Variants in KDM4B observed in about 807,000 individuals in gnomAD.
KDM4B encodes lysine demethylase 4B, also known as lysine-specific demethylase 4B.
KDM4B carries 32 observed loss-of-function variants against 125.2 expected under a neutral mutation model. The ratio of observed to expected loss-of-function variants is 0.26; its 90% CI spans 0.19 to 0.34. KDM4B has a LOEUF of 0.34. KDM4B is among the 10% of genes least tolerant of loss of function. The pLI is 1.00. For missense variants in KDM4B, 1,190 were observed against 1,577.7 expected (o/e 0.75, Z 4.16); for synonymous variants, 721 against 677.9 (o/e 1.06, Z -0.99).
chr19:5,124,170 G>C (rs908699536), intron 11 of KDM4B, among the ~76,000 whole-genome samples: 1 of 152,156 alleles, frequency 6.6e-6, no homozygotes, highest in Non-Finnish European at 1.5e-5. Context: ...TCCAGGCTTG[G>C]GTCTGGGGAC....
chr19:4,990,414 A>G (rs113313430), intron 1 of KDM4B, among the ~76,000 whole-genome samples: 2,156 of 152,330 alleles, frequency 0.014, 57 homozygotes, highest in African/African-American at 0.049. Context: ...TTAGCAGTGC[A>G]GGTTTCTGTA....
chr19:5,031,360 C>T (rs956328979), intron 2 of KDM4B, among the ~76,000 whole-genome samples: 5 of 152,362 alleles, frequency 3.3e-5, no homozygotes, highest in Admixed American at 2.0e-4. Context: ...ACACTGTGAC[C>T]GTCTAGTCTA....
intron 2 of KDM4B, among the ~76,000 whole-genome samples, chr19:5,025,373 C>A (rs1262375151): frequency 6.6e-6 from 1 of 152,234 alleles, no homozygotes; most frequent in Non-Finnish European, 1.5e-5. Flanking sequence ...GGTTCCCGTG[C>A]TAAAACCATG....
At chr19:4,988,152 G>A (rs2034904652) in intron 1 of KDM4B, among the ~76,000 whole-genome samples, 2 of 152,232 alleles carry the variant, frequency 1.3e-5, no homozygotes, top group African/African-American at 2.4e-5. Context: ...GGGCTGCATC[G>A]GGCAGGACAG....
Position 4,972,113 on chromosome 19 carries a change from G to GTCTC in KDM4B, c.-109+2885_-109+2888dup, listed in dbSNP as rs1011371122. On this transcript the variant is annotated intron_variant, in intron 1 of 22. Transcript: ENST00000159111. ...AGCCCTCCCCCTTCCTGCCCCAGGG[G>GTCTC]TCTCTGTTCCTGGCTTAGGATGCCG... Among the ~76,000 whole-genome samples, 15 of 152,206 alleles carry GTCTC rather than the reference G, an allele frequency of 9.9e-5. 1 individual carries two copies. Among genetic ancestry groups the GTCTC allele is most frequent in the African/African-American group, 3.6e-4 (15 of 41,450 alleles).
chr19:5,053,267 G>A (rs768096459), intron 6 of KDM4B, among the ~76,000 whole-genome samples: 12 of 152,232 alleles, frequency 7.9e-5, no homozygotes, highest in Admixed American at 3.3e-4. Context: ...GCTCAGAGCC[G>A]CTGCGGTGCC....
chr19:5,058,191 G>C (rs780446836), intron 6 of KDM4B, among the ~76,000 whole-genome samples: 2 of 151,946 alleles, frequency 1.3e-5, no homozygotes, highest in African/African-American at 4.8e-5. Context: ...CAGGGGCTCA[G>C]CCAACAGGGT....
Position 4,971,807 on chromosome 19 carries a change from C to T in KDM4B, c.-109+2577C>T, listed in dbSNP as rs748446180. On this transcript the variant is annotated intron_variant, in intron 1 of 22. Transcript: ENST00000159111. This position sits in a 1 kb window ranked among gnomAD's most constrained non-coding sequence, Gnocchi z 4.1. ...TTGTAGGTGGCTTTGTTCCCTGGATCGGGGAGCGGAATTGGGGGTTCAGAG... is the reference window on the plus strand; with the variant it reads ...TTGTAGGTGGCTTTGTTCCCTGGATTGGGGAGCGGAATTGGGGGTTCAGAG... 6.6e-6 allele frequency among the ~76,000 whole-genome samples: 1 copy of T among 152,074 alleles called. No individual in the cohort carries two copies. The highest frequency in any genetic ancestry group is 1.5e-5 in the Non-Finnish European group (1 of 68,014).
intron 9 of KDM4B, among the ~76,000 whole-genome samples, chr19:5,085,218 T>C (rs2038452476): frequency 6.6e-6 from 1 of 152,162 alleles, no homozygotes; most frequent in African/African-American, 2.4e-5. Flanking sequence ...TCAGAAAGTC[T>C]CGAATGTCTC....
At chr19:5,015,743 C>A (rs894651721) in intron 1 of KDM4B, among the ~76,000 whole-genome samples, 1 of 152,204 alleles carries the variant, frequency 6.6e-6, no homozygotes, top group African/African-American at 2.4e-5. Context: ...AGTTCTGTTC[C>A]GCATCCATCC....
intron 1 of KDM4B, among the ~76,000 whole-genome samples, chr19:4,984,192 G>A (rs1469807367): frequency 6.6e-6 from 1 of 152,172 alleles, no homozygotes. Context: ...GGAGGCTGAG[G>A]CCCCAATCCA....
At chr19:5,061,772 G>A (rs1035925983) in intron 6 of KDM4B, among the ~76,000 whole-genome samples, 3 of 152,020 alleles carry the variant, frequency 2.0e-5, no homozygotes, top group African/African-American at 7.3e-5. Flanking sequence ...GGGAGGCTGA[G>A]GAGGGAGTAT....
intron 11 of KDM4B, among the ~76,000 whole-genome samples, chr19:5,128,192 T>G (rs1227284185): frequency 6.6e-6 from 1 of 152,144 alleles, no homozygotes; most frequent in Admixed American, 6.5e-5. Flanking sequence ...GCCTGTTGTG[T>G]GTGAGGGGTG....
chr19:5,003,862 A>G (rs1399631707), intron 1 of KDM4B, among the ~76,000 whole-genome samples: 3 of 152,022 alleles, frequency 2.0e-5, no homozygotes, highest in Non-Finnish European at 1.5e-5. Flanking sequence ...TCTGTCCCCC[A>G]CACAGTCTCC....
chr19:5,041,291 C>T, intron 5 of KDM4B, 40 bp downstream of exon 5: 2 of 1,518,040 alleles, frequency 1.3e-6, no homozygotes, highest in Middle Eastern at 1.7e-4. Flanking sequence ...GACCAGCTTC[C>T]TGGTGGGTGG....
At chr19:4,998,963 C>G (rs558264581) in intron 1 of KDM4B, among the ~76,000 whole-genome samples, 1 of 152,132 alleles carries the variant, frequency 6.6e-6, no homozygotes, top group East Asian at 1.9e-4. Context: ...GTGATGTTAA[C>G]CTTGATCCTT....
rs201033828 is a variant in KDM4B, at chr19:5,131,224, G to A, written c.1464G>A (p.Pro488=). Reference sequence around the variant, plus strand: ...GGCTGCCATCCCCACTGGAGCCCCCGGTGCTGGGCCCAGGCCCTGCAGCCA... The same window carrying A: ...GGCTGCCATCCCCACTGGAGCCCCCAGTGCTGGGCCCAGGCCCTGCAGCCA... ...ALWLPSPLEP[P]VLGPGPAAME... Residue 488 remains proline, a synonymous_variant, in exon 12 of 23, where the codon CCG becomes CCA. Coordinates refer to ENST00000159111, the MANE Select transcript of KDM4B (RefSeq NM_015015.3). 290 of 1,606,602 alleles carry A rather than the reference G, an allele frequency of 1.8e-4. 1 individual carries two copies. In the African/African-American group the frequency reaches 2.4e-3, roughly 14 times the overall value.
rs1270722144 is a variant in KDM4B, at chr19:5,119,868, G to T, written c.1315+16G>T. ...GGCGCAGAAGGTCAGTCCCTGCCGG[G>T]CCAGGCCTGGCACCGCTGTTTTCCC... On this transcript the variant is annotated intron_variant, in intron 11 of 22. Coordinates refer to ENST00000159111, the MANE Select transcript of KDM4B (RefSeq NM_015015.3). 1.3e-6 allele frequency: 2 copies of T among 1,543,998 alleles called. No individual in the cohort carries two copies. Among genetic ancestry groups the T allele is most frequent in the Non-Finnish European group, 1.7e-6 (2 of 1,146,376 alleles).
At chr19:5,102,799 A>G (rs1429983717) in intron 9 of KDM4B, among the ~76,000 whole-genome samples, 1 of 152,174 alleles carries the variant, frequency 6.6e-6, no homozygotes, top group Non-Finnish European at 1.5e-5. Context: ...CCCTGACGTC[A>G]GCATCTCTCT....
Sources: gnomAD v4.1 joint callset for allele counts (sites outside exome capture counted in the v4.1 genomes callset) on GRCh38, gnomAD v4.1.1 for gene constraint, Gnocchi (gnomAD v3.1) non-coding constraint, MANE v1.5 for transcripts, NCBI Gene and HGNC (gene_info 2026-07-23, HGNC 2026-07-21) for gene names.